The following ANKRD28 variants were observed in gnomAD, a reference collection of about 807,000 sequenced individuals.
ANKRD28 encodes ankyrin repeat domain 28.
ANKRD28 carries 44 observed loss-of-function variants against 126.5 expected under a neutral mutation model. The ratio of observed to expected loss-of-function variants is 0.35; its 90% CI spans 0.27 to 0.45. The LOEUF is 0.45. ANKRD28 is among the 20% of genes least tolerant of loss of function. ANKRD28 has a pLI of 1.00. For missense variants in ANKRD28, 1,110 were observed against 1,316.6 expected, an observed-to-expected ratio of 0.84 and a Z score of 2.43; for synonymous variants, 442 against 468.5, an observed-to-expected ratio of 0.94 and a Z score of 0.73.
At chr3:15,765,853 A>AAAG (rs1274979828) in intron 3 of ANKRD28, among the ~76,000 whole-genome samples, 6 of 151,454 alleles carry the variant, frequency 4.0e-5, no homozygotes, top group African/African-American at 1.5e-4. Flanking sequence ...AAACCAAAAA[A>AAAG]AAAAAAAAAA....
At chr3:15,675,562 A>G (rs1296821595) in intron 27 of ANKRD28, among the ~76,000 whole-genome samples, 1 of 152,228 alleles carries the variant, frequency 6.6e-6, no homozygotes, top group East Asian at 1.9e-4. Flanking sequence ...GAGTAGAAAC[A>G]CTGGCTTTAA....
intron 3 of ANKRD28, among the ~76,000 whole-genome samples, chr3:15,763,788 A>G (rs2058611036): frequency 6.6e-6 from 1 of 152,212 alleles, no homozygotes; most frequent in African/African-American, 2.4e-5. Flanking sequence ...GTGGGGAGAT[A>G]ATGTACAGCT....
Position 15,812,347 on chromosome 3 carries a change from T to C in ANKRD28, c.28-17041A>G, listed in dbSNP as rs1008700506. On this transcript the variant is annotated intron_variant, in intron 1 of 27. Coordinates refer to the ANKRD28 transcript ENST00000399451. This position sits in a 1 kb window ranked among gnomAD's most constrained non-coding sequence, Gnocchi z 4.1. ...TAAATGAATTTTCAAATGGTGCCCT[T>C]AGGTAAATTTAGAAAGGGTTTGCAG... 2.0e-5 allele frequency among the ~76,000 whole-genome samples: 3 copies of C among 152,124 alleles called. No homozygotes were observed. The highest frequency in any genetic ancestry group is 7.2e-5 in the African/African-American group (3 of 41,434).
intron 4 of ANKRD28, among the ~76,000 whole-genome samples, chr3:15,744,671 A>G (rs764330247): frequency 2.6e-5 from 4 of 152,104 alleles, no homozygotes; most frequent in Non-Finnish European, 4.4e-5. Context: ...GGCTGGTTCC[A>G]TATTTTTACA....
chr3:15,817,334 C>T lies in ANKRD28; in HGVS notation c.28-22028G>A, dbSNP rs969980769. Among the ~76,000 whole-genome samples, 4 of 151,950 alleles carry T rather than the reference C, an allele frequency of 2.6e-5. No homozygotes were observed. The highest frequency in any genetic ancestry group is 1.3e-4 in the Admixed American group (2 of 15,246). On this transcript the variant is annotated intron_variant, in intron 1 of 27. Transcript: ENST00000399451. This position sits in a 1 kb window ranked among gnomAD's most constrained non-coding sequence, Gnocchi z 4.5. The stretch of plus-strand genomic sequence containing the variant: ...AATTTTATAGGTTATAAACTAACAT[C>T]GGCAATTTCATATGGTCCAACCTAA...
chr3:15,851,028 T>C (rs1248112546), intron 1 of ANKRD28, among the ~76,000 whole-genome samples: 1 of 152,238 alleles, frequency 6.6e-6, no homozygotes, highest in Non-Finnish European at 1.5e-5. Context: ...GCTGAAGAAC[T>C]GGTTGCTTCC....
chr3:15,726,409 C>T (rs1260566771), intron 6 of ANKRD28, among the ~76,000 whole-genome samples: 1 of 152,174 alleles, frequency 6.6e-6, no homozygotes, highest in Non-Finnish European at 1.5e-5. Context: ...ACTGATGATA[C>T]AGAGAAAGTA....
intron 26 of ANKRD28, 22 bp from the exon 27 acceptor site, chr3:15,676,011 A>G (rs114586253): frequency 0.014 from 22,750 of 1,588,394 alleles, 195 homozygotes; most frequent in Non-Finnish European, 0.017. Context: ...AACATGATAC[A>G]TGTACACATA....
intron 1 of ANKRD28, among the ~76,000 whole-genome samples, chr3:15,824,661 G>A (rs1226727288): frequency 2.0e-5 from 3 of 152,204 alleles, no homozygotes; most frequent in Non-Finnish European, 4.4e-5. Flanking sequence ...TGACTAAGAA[G>A]GCCCAGGCCT....
At chr3:15,753,464 T>C (rs1203439921) in intron 3 of ANKRD28, among the ~76,000 whole-genome samples, 1 of 152,258 alleles carries the variant, frequency 6.6e-6, no homozygotes, top group East Asian at 1.9e-4. Context: ...CCTGTGCCTC[T>C]TTCTACAGGT....
intron 1 of ANKRD28, among the ~76,000 whole-genome samples, chr3:15,859,151 G>A (rs930653238): frequency 6.6e-6 from 1 of 152,196 alleles, no homozygotes; most frequent in African/African-American, 2.4e-5. Flanking sequence ...TGCTGCAGCG[G>A]CTAGACCCCC....
chr3:15,726,894 T>A (rs565887407), intron 6 of ANKRD28, among the ~76,000 whole-genome samples: 2 of 152,350 alleles, frequency 1.3e-5, no homozygotes, highest in East Asian at 3.9e-4. Context: ...ACAGCCCACA[T>A]GAATTATGCT....
intron 27 of ANKRD28, among the ~76,000 whole-genome samples, chr3:15,674,669 T>A (rs1001747544): frequency 6.6e-6 from 1 of 152,022 alleles, no homozygotes; most frequent in Non-Finnish European, 1.5e-5. Flanking sequence ...GGAGTCAATG[T>A]AGATAGAGAA....
At chr3:15,775,266 G>C (rs1188103632) in intron 2 of ANKRD28, among the ~76,000 whole-genome samples, 2 of 152,208 alleles carry the variant, frequency 1.3e-5, no homozygotes, top group African/African-American at 4.8e-5. Flanking sequence ...TCATAAAAAA[G>C]CAAGCTAAAA....
At chr3:15,712,991 C>G (rs1163658821) in intron 10 of ANKRD28, among the ~76,000 whole-genome samples, 1 of 152,142 alleles carries the variant, frequency 6.6e-6, no homozygotes, top group African/African-American at 2.4e-5. Context: ...TATGGTGTTT[C>G]TTGCAGAGCA....
chr3:15,673,062 C>A (rs2066545511), intron 27 of ANKRD28, among the ~76,000 whole-genome samples: 1 of 152,234 alleles, frequency 6.6e-6, no homozygotes, highest in Admixed American at 6.5e-5. Flanking sequence ...TAGGCATGGG[C>A]CACCATGCCC....
At chr3:15,690,273 C>T in intron 17 of ANKRD28, 53 bp from the exon 18 acceptor site, 1 of 1,389,144 alleles carries the variant, frequency 7.2e-7, no homozygotes. Flanking sequence ...GACTGACTTC[C>T]TAAATACTTG....
chr3:15,674,555 T>C (rs1362998472), intron 27 of ANKRD28, among the ~76,000 whole-genome samples: 2 of 152,128 alleles, frequency 1.3e-5, no homozygotes, highest in African/African-American at 4.8e-5. Flanking sequence ...ATTAGGCACG[T>C]GGATATATAG....
chr3:15,750,704 G>C lies in ANKRD28; in HGVS notation c.351+1046C>G, dbSNP rs77667103. On this transcript the variant is annotated intron_variant, in intron 4 of 27. Coordinates refer to ENST00000683139, the MANE Select transcript of ANKRD28 (RefSeq NM_001349278.2). Reference sequence around the variant, plus strand: ...GGGTTCAAGATGTAGTTCACAATGAGGAATACAAAGGACAAAGAGACAGAA... The same window carrying C: ...GGGTTCAAGATGTAGTTCACAATGACGAATACAAAGGACAAAGAGACAGAA... Among the ~76,000 whole-genome samples, 3 of 152,108 alleles carry C rather than the reference G, an allele frequency of 2.0e-5. No homozygotes were observed. In the East Asian group the frequency reaches 5.8e-4, roughly 29 times the overall value.
Sources: allele counts gnomAD v4.1 joint callset (sites outside exome capture counted in the v4.1 genomes callset), GRCh38; gene constraint gnomAD v4.1.1; non-coding constraint Gnocchi (gnomAD v3.1); transcripts MANE v1.5; gene names NCBI Gene and HGNC (gene_info 2026-07-23, HGNC 2026-07-21).